Variants in ZFYVE28 observed in about 807,000 individuals in gnomAD.
ZFYVE28 encodes the protein zinc finger FYVE-type containing 28.
ZFYVE28 carries 40 observed loss-of-function variants against 82.1 expected under a neutral mutation model. The observed-to-expected ratio is 0.49, with a 90% CI of 0.38 to 0.63. The LOEUF is 0.63. Among genes scored for constraint, ZFYVE28 ranks in the 30% least tolerant of loss-of-function variants. ZFYVE28 has a pLI of 0.00. For missense variants in ZFYVE28, 1,321 were observed against 1,242.1 expected, an observed-to-expected ratio of 1.06 and a Z score of -0.96; for synonymous variants, 612 against 546.1, an observed-to-expected ratio of 1.12 and a Z score of -1.68.
At chr4:2,292,979 C>T (rs1375692265) in intron 8 of ZFYVE28, among the ~76,000 whole-genome samples, 3 of 152,030 alleles carry the variant, frequency 2.0e-5, no homozygotes, top group African/African-American at 4.8e-5. Context: ...CAAGGCTGGC[C>T]GAACATCTGA....
chr4:2,367,870 T>G (rs1727049872), intron 1 of ZFYVE28, among the ~76,000 whole-genome samples: 1 of 152,006 alleles, frequency 6.6e-6, no homozygotes, highest in African/African-American at 2.4e-5. Flanking sequence ...ACACCCAGGG[T>G]GGTTGCTCCT....
intron 2 of ZFYVE28, among the ~76,000 whole-genome samples, chr4:2,352,623 T>C (rs180797350): frequency 1.2e-3 from 180 of 152,166 alleles, no homozygotes; most frequent in African/African-American, 4.0e-3. Flanking sequence ...AGGCCTTCAC[T>C]ATGCTGGGAG....
intron 8 of ZFYVE28, chr4:2,286,559 T>C (rs1712775026): frequency 6.6e-6 from 1 of 152,274 alleles, no homozygotes; most frequent in Non-Finnish European, 1.5e-5. Context: ...AACCCAGCTG[T>C]GCTGAGACAG....
intron 1 of ZFYVE28, among the ~76,000 whole-genome samples, chr4:2,376,109 G>A (rs1158001428): frequency 2.0e-5 from 3 of 151,858 alleles, no homozygotes; most frequent in South Asian, 2.1e-4. Flanking sequence ...TCTTGACTTC[G>A]TGATCCGCCC....
In ZFYVE28 at chr4:2,382,846, C is replaced by G. The variant is rs151122353; in HGVS notation, c.40-28773G>C. Among the ~76,000 whole-genome samples the G allele has an allele frequency of 7.2e-3, 1,098 of 152,168 alleles. 19 individuals carry two copies. Among genetic ancestry groups the G allele is most frequent in the African/African-American group, 0.025 (1,044 of 41,496 alleles). On this transcript the variant is annotated intron_variant, in intron 1 of 12. Transcript: ENST00000290974. ...TACAGTTCCATATGGCTGGGGAGGC[C>G]TCAGAATCACGGCAGGAGGCAAAAG... is the stretch of plus-strand genomic sequence containing the variant.
chr4:2,340,165 C>T (rs1025367330), intron 3 of ZFYVE28, among the ~76,000 whole-genome samples: 1 of 152,202 alleles, frequency 6.6e-6, no homozygotes, highest in Non-Finnish European at 1.5e-5. Context: ...GAGCCACAGA[C>T]ACCACCTGTC....
intron 12 of ZFYVE28, 135 bp downstream of exon 12, chr4:2,271,176 T>C: frequency 3.3e-6 from 3 of 917,274 alleles, no homozygotes; most frequent in Non-Finnish European, 4.9e-6. Context: ...GCCCGGGACC[T>C]CCAGGGGCCT....
intron 2 of ZFYVE28, among the ~76,000 whole-genome samples, chr4:2,346,271 G>A (rs1723567083): frequency 6.6e-6 from 1 of 151,344 alleles, no homozygotes; most frequent in African/African-American, 2.4e-5. Context: ...GAACCCGGGA[G>A]GCAGAGCTAG....
At position 2,418,412 on chromosome 4, in the gene ZFYVE28, A is replaced by T. The variant is rs1578453819; in HGVS notation, c.-89T>A. 7.6e-6 allele frequency: 8 copies of T among 1,056,908 alleles called. 1 individual carries two copies. In the East Asian group the frequency reaches 4.3e-4, roughly 57 times the overall value. The allele number at this position is 1,056,908 out of a possible 1,614,324, so 65.5% of individuals were successfully genotyped here. On this transcript the variant is annotated 5_prime_UTR_variant, in exon 1 of 13. Transcript: ENST00000290974. The surrounding 1 kb of genome is among the most constrained non-coding windows in gnomAD (Gnocchi z 4.6). ...CGGCTGAGGCGCGGGGCGGACGCGG[A>T]GGCACGGCCGGAGCCCCCGCGCTGT... is the stretch of plus-strand genomic sequence containing the variant.
intron 2 of ZFYVE28, among the ~76,000 whole-genome samples, chr4:2,352,997 C>A (rs1337143475): frequency 1.3e-5 from 2 of 152,248 alleles, no homozygotes; most frequent in Non-Finnish European, 2.9e-5. Flanking sequence ...CTAACCTGAG[C>A]TCCTGGGGGC....
At chr4:2,312,382 G>GA (rs374386197) in intron 7 of ZFYVE28, among the ~76,000 whole-genome samples, 200 of 150,000 alleles carry the variant, frequency 1.3e-3, no homozygotes, top group African/African-American at 4.2e-3. Context: ...TATTACAAAA[G>GA]AAAAAAAAAG....
chr4:2,417,305 C>T lies in ZFYVE28; in HGVS notation c.39+980G>A, dbSNP rs556309211. 4.3e-4 allele frequency among the ~76,000 whole-genome samples: 66 copies of T among 152,178 alleles called. No homozygotes were observed. Among genetic ancestry groups the T allele is most frequent in the Middle Eastern group, 3.4e-3 (1 of 292 alleles). Reference sequence around the variant, plus strand: ...ACGCCCAGATGCGCCCTGGACCCTGCGCCGGGATCCTGAACACCGCCGCGC... The same window carrying T: ...ACGCCCAGATGCGCCCTGGACCCTGTGCCGGGATCCTGAACACCGCCGCGC... On this transcript the variant is annotated intron_variant, in intron 1 of 12. Transcript: ENST00000290974. The surrounding 1 kb of genome is among the most constrained non-coding windows in gnomAD (Gnocchi z 4.8).
At chr4:2,276,182 G>A (rs1450218174) in intron 8 of ZFYVE28, among the ~76,000 whole-genome samples, 2 of 152,006 alleles carry the variant, frequency 1.3e-5, no homozygotes, top group African/African-American at 2.4e-5. Flanking sequence ...GGAGCTGCAC[G>A]GGGCCCCCTC....
At chr4:2,364,400 G>GC in intron 1 of ZFYVE28, 1 of 977,932 alleles carries the variant, frequency 1.0e-6, no homozygotes, top group Non-Finnish European at 1.2e-6. Flanking sequence ...CAAGGGCACA[G>GC]CCCCCCACCT....
chr4:2,371,398 A>T (rs996083450), intron 1 of ZFYVE28, among the ~76,000 whole-genome samples: 1 of 152,260 alleles, frequency 6.6e-6, no homozygotes, highest in Non-Finnish European at 1.5e-5. Context: ...ATCATTCTTT[A>T]AAAATAGCTG....
At chr4:2,370,083 C>T (rs563729888) in intron 1 of ZFYVE28, among the ~76,000 whole-genome samples, 4 of 151,836 alleles carry the variant, frequency 2.6e-5, no homozygotes, top group South Asian at 2.1e-4. Flanking sequence ...CTCCTGATCT[C>T]GTGATCCGCC....
At chr4:2,400,013 C>T (rs1298950562) in intron 1 of ZFYVE28, among the ~76,000 whole-genome samples, 3 of 152,164 alleles carry the variant, frequency 2.0e-5, no homozygotes, top group Non-Finnish European at 4.4e-5. Context: ...ACGCACAGGG[C>T]GGGGACAGCC....
intron 6 of ZFYVE28, among the ~76,000 whole-genome samples, chr4:2,331,587 G>A (rs561944539): frequency 2.6e-5 from 4 of 152,250 alleles, no homozygotes; most frequent in South Asian, 2.1e-4. Context: ...TCTGAGCCTC[G>A]TGGAGACACT....
chr4:2,350,859 A>G (rs1421463834), intron 2 of ZFYVE28, among the ~76,000 whole-genome samples: 1 of 152,018 alleles, frequency 6.6e-6, no homozygotes, highest in Non-Finnish European at 1.5e-5. Context: ...GCACACCCCA[A>G]CTCCACGGGA....
Sources: allele counts gnomAD v4.1 joint callset (sites outside exome capture counted in the v4.1 genomes callset), GRCh38; gene constraint gnomAD v4.1.1; non-coding constraint Gnocchi (gnomAD v3.1); transcripts MANE v1.5; gene names NCBI Gene and HGNC (gene_info 2026-07-23, HGNC 2026-07-21).